ACTR3C: variants seen among roughly 807,000 people sequenced by gnomAD.
The protein encoded by ACTR3C is actin-related protein 3C.
In ACTR3C, 18 loss-of-function variants were observed where a neutral mutation model predicts 26.3. The ratio of observed to expected loss-of-function variants is 0.68; its 90% CI spans 0.47 to 1.01. The LOEUF (loss-of-function observed/expected upper bound fraction) is 1.01. ACTR3C is among the 50% of genes least tolerant of loss of function. The pLI is 0.00. For missense variants in ACTR3C, 184 were observed against 250.7 expected (o/e 0.73, Z 1.80); for synonymous variants, 55 against 94.5 (o/e 0.58, Z 2.42).
chr7:150,033,837 G>C, the ACTR3C span, among the ~76,000 whole-genome samples: 145 of 146,634 alleles, frequency 9.9e-4, no homozygotes, highest in Middle Eastern at 3.7e-3. Flanking sequence ...TGCCTCGTGG[G>C]GGGTGCCTCC....
chr7:150,146,836 T>G, the ACTR3C span, among the ~76,000 whole-genome samples: 1 of 152,250 alleles, frequency 6.6e-6, no homozygotes, highest in African/African-American at 2.4e-5. Context: ...TATTTTATTG[T>G]AATAAAATAA....
the ACTR3C span, among the ~76,000 whole-genome samples, chr7:149,922,827 G>A: frequency 6.6e-6 from 1 of 151,902 alleles, no homozygotes; most frequent in Non-Finnish European, 1.5e-5. Flanking sequence ...CCTAAATGAA[G>A]CTTTTATGGC....
chr7:150,035,408 G>T, the ACTR3C span, among the ~76,000 whole-genome samples: 584 of 51,848 alleles, frequency 0.011, 137 homozygotes, highest in East Asian at 0.18. Flanking sequence ...TAAGATCCAG[G>T]GGGGGAAGAG....
the ACTR3C span, among the ~76,000 whole-genome samples, chr7:150,112,437 C>T: frequency 6.6e-6 from 1 of 152,240 alleles, no homozygotes; most frequent in African/African-American, 2.4e-5. Context: ...CCAGAGGACA[C>T]AGTGGTATCC....
At chr7:150,034,110 C>T in the ACTR3C span, among the ~76,000 whole-genome samples, 1 of 150,008 alleles carries the variant, frequency 6.7e-6, no homozygotes, top group East Asian at 2.0e-4. Flanking sequence ...TCCCAACAAC[C>T]GGGGGGAAGA....
At chr7:150,063,422 T>C in the ACTR3C span, among the ~76,000 whole-genome samples, 1 of 151,432 alleles carries the variant, frequency 6.6e-6, no homozygotes, top group South Asian at 2.1e-4. Flanking sequence ...AGTAAGTTCA[T>C]AGAATATAAA....
chr7:150,244,412 G>C (rs1330675155), downstream of ACTR3C: 1 of 151,702 alleles, frequency 6.6e-6, no homozygotes, highest in Non-Finnish European at 1.5e-5. Flanking sequence ...TTGTGGAACT[G>C]TAAAATAACT....
the ACTR3C span, among the ~76,000 whole-genome samples, chr7:149,915,036 C>G: frequency 6.6e-6 from 1 of 151,980 alleles, no homozygotes; most frequent in African/African-American, 2.4e-5. Flanking sequence ...TGTACCACCA[C>G]GCCCTGCTAA....
intron 6 of ACTR3C, among the ~76,000 whole-genome samples, chr7:150,261,560 G>A (rs1397608199): frequency 6.6e-6 from 1 of 152,260 alleles, no homozygotes; most frequent in Non-Finnish European, 1.5e-5. Context: ...AAATTAGCAG[G>A]GCGTGGTGGC....
chr7:149,966,866 TTTG>T, the ACTR3C span, among the ~76,000 whole-genome samples: 1 of 151,722 alleles, frequency 6.6e-6, no homozygotes. Flanking sequence ...TTCCTTTTTT[TTTG>T]TGTGTGTGGG....
the ACTR3C span, among the ~76,000 whole-genome samples, chr7:150,217,070 C>T: frequency 6.8e-6 from 1 of 147,150 alleles, no homozygotes; most frequent in African/African-American, 2.7e-5. Flanking sequence ...GTGAAGTCGC[C>T]TTGTCCTCCC....
the ACTR3C span, among the ~76,000 whole-genome samples, chr7:149,978,309 G>C: frequency 1.3e-5 from 2 of 151,898 alleles, no homozygotes; most frequent in African/African-American, 4.8e-5. Flanking sequence ...GCAAACAACA[G>C]TGTGCGTCCA....
At chr7:150,155,570 G>A in the ACTR3C span, among the ~76,000 whole-genome samples, 1 of 151,456 alleles carries the variant, frequency 6.6e-6, no homozygotes, top group Non-Finnish European at 1.5e-5. Context: ...TAATATCTGG[G>A]TCTGTAAAAT....
intron 6 of ACTR3C, among the ~76,000 whole-genome samples, chr7:150,283,950 A>AT (rs1172791874): frequency 5.3e-5 from 8 of 151,086 alleles, no homozygotes; most frequent in Non-Finnish European, 8.8e-5. Flanking sequence ...CAATAATCAT[A>AT]TAGACTAGAT....
intron 2 of ACTR3C, among the ~76,000 whole-genome samples, 200 bp from the exon 3 acceptor site, chr7:150,293,619 C>T (rs574682900): frequency 1.5e-3 from 234 of 152,202 alleles, no homozygotes; most frequent in African/African-American, 5.5e-3. Context: ...TGAGTACTTA[C>T]AACTATAGGA....
chr7:150,036,909 G>A, the ACTR3C span, among the ~76,000 whole-genome samples: 1 of 114,410 alleles, frequency 8.7e-6, no homozygotes, highest in African/African-American at 3.3e-5. Context: ...CGCGGGGAGT[G>A]CCTCCCCCCT....
chr7:150,135,263 C>T, the ACTR3C span, among the ~76,000 whole-genome samples: 1 of 152,214 alleles, frequency 6.6e-6, no homozygotes, highest in African/African-American at 2.4e-5. Flanking sequence ...CACAGCGAGA[C>T]TCCGTCTCAA....
chr7:150,112,876 G>C, the ACTR3C span, among the ~76,000 whole-genome samples: 1 of 152,066 alleles, frequency 6.6e-6, no homozygotes, highest in South Asian at 2.1e-4. Flanking sequence ...CCTCCAAGCT[G>C]ACCAATTCCA....
the ACTR3C span, among the ~76,000 whole-genome samples, chr7:149,948,298 G>A: frequency 2.0e-3 from 273 of 133,378 alleles, no homozygotes; most frequent in African/African-American, 7.7e-3. Flanking sequence ...ACGTGGCCAT[G>A]CCAGGAGAGT....
Sources: gnomAD v4.1 joint callset for allele counts (sites outside exome capture counted in the v4.1 genomes callset) on GRCh38, gnomAD v4.1.1 for gene constraint, MANE v1.5 for transcripts, NCBI Gene and HGNC (gene_info 2026-07-23, HGNC 2026-07-21) for gene names.